MDFIC: variants seen among roughly 807,000 people sequenced by gnomAD.
MDFIC encodes the protein MyoD family inhibitor domain containing.
MDFIC carries 17 observed loss-of-function variants against 23.2 expected under a neutral mutation model. The observed-to-expected ratio is 0.73, with a 90% CI of 0.50 to 1.10. The LOEUF is 1.10. MDFIC is among the 50% of genes least tolerant of loss of function. The probability of loss-of-function intolerance (pLI) is 0.00; values close to 1 mark genes in which losing one functional copy is unlikely to be tolerated. For synonymous variants in MDFIC, 120 were observed against 115.2 expected (o/e 1.04, Z -0.27); for missense variants, 356 against 316.6 (o/e 1.12, Z -0.95).
chr7:114,970,029 A>G (rs1257065056), intron 3 of MDFIC, among the ~76,000 whole-genome samples: 1 of 152,216 alleles, frequency 6.6e-6, no homozygotes, highest in African/African-American at 2.4e-5. Context: ...GTGCTGGTCT[A>G]GGGAATGCAC....
intron 4 of MDFIC, among the ~76,000 whole-genome samples, chr7:114,999,820 A>G (rs1791424159): frequency 6.6e-6 from 1 of 152,106 alleles, no homozygotes; most frequent in Non-Finnish European, 1.5e-5. Flanking sequence ...TAATTTCACT[A>G]ATTTCTAAAC....
intron 3 of MDFIC, among the ~76,000 whole-genome samples, chr7:114,977,764 TTAAA>T (rs1245893837): frequency 6.6e-6 from 1 of 151,704 alleles, no homozygotes; most frequent in African/African-American, 2.4e-5. Context: ...TATTTACACT[TTAAA>T]TAAAAAGTTT....
intron 2 of MDFIC, among the ~76,000 whole-genome samples, chr7:114,937,962 A>T (rs1379617531): frequency 1.3e-5 from 2 of 152,082 alleles, no homozygotes; most frequent in East Asian, 3.9e-4. Flanking sequence ...GATTTCATAT[A>T]TATGTATTTT....
chr7:115,016,673 T>G lies in MDFIC; in HGVS notation c.*738T>G, dbSNP rs1316143815. The G allele has an allele frequency of 1.3e-5, 2 of 157,520 alleles. No individual in the cohort carries two copies. Among genetic ancestry groups the G allele is most frequent in the Non-Finnish European group, 2.7e-5 (2 of 73,308 alleles). 9.8% of individuals were successfully genotyped at this position (157,520 alleles called of 1,614,324 possible). On this transcript the variant is annotated 3_prime_UTR_variant, in exon 5 of 5. Transcript: ENST00000393486. ...ATAAATAAATAAATAAATAAATAAA[T>G]AAATAAATAAATAAACAAACCAGTC...
intron 2 of MDFIC, among the ~76,000 whole-genome samples, chr7:114,932,426 G>A (rs1723671188): frequency 1.3e-5 from 2 of 152,090 alleles, no homozygotes; most frequent in Non-Finnish European, 2.9e-5. Context: ...AGTTGAAGGT[G>A]ATTCTGTAAC....
Position 114,922,133 on chromosome 7 carries a change from C to T in MDFIC, c.-611C>T, listed in dbSNP as rs1015398798. ...CCCAGCCCCGGGAGGGCGCAGCGCC[C>T]GGGTGGGGAGCCCGAGCCAGCCCAG... On this transcript the variant is annotated 5_prime_UTR_variant, in exon 1 of 5. Coordinates refer to ENST00000393486, the MANE Select transcript of MDFIC (RefSeq NM_001166345.3). 3 of 330,582 alleles carry T rather than the reference C, an allele frequency of 9.1e-6. No homozygotes were observed. In the East Asian group the frequency reaches 1.3e-4, roughly 15 times the overall value. The allele number at this position is 330,582 out of a possible 1,614,324, so 20.5% of individuals were successfully genotyped here.
rs1159807883 is a variant in MDFIC at position 114,923,442 on chromosome 7, A to T, written c.94+315A>T. On this transcript the variant is annotated intron_variant, in intron 2 of 4. Coordinates refer to ENST00000393486, the MANE Select transcript of MDFIC (RefSeq NM_001166345.3). ...CCTAAGACTCAATGTGTAGGTTCTG[A>T]AGCGCTTCTCCTCTAGGTCTCTTCA... The T allele has an allele frequency of 2.6e-6, 4 of 1,537,458 alleles. No individual in the cohort carries two copies. In the Admixed American group the frequency reaches 7.8e-5, roughly 30 times the overall value.
At position 114,961,781 on chromosome 7, in the gene MDFIC, A is replaced by G. The variant is rs1321796577; in HGVS notation, c.218-17725A>G. Among the ~76,000 whole-genome samples the G allele has an allele frequency of 3.9e-5, 6 of 152,232 alleles. No homozygotes were observed. In the East Asian group the frequency reaches 1.2e-3, roughly 29 times the overall value. ...GAGAACTCACTATCATGAGAATAGC[A>G]AGGGGGAAATTTGCCCCCATGATCC... On this transcript the variant is annotated intron_variant, in intron 3 of 4. Transcript: ENST00000393486.
chr7:114,955,471 T>C (rs555355738), intron 3 of MDFIC, among the ~76,000 whole-genome samples: 19 of 152,304 alleles, frequency 1.2e-4, no homozygotes, highest in Non-Finnish European at 2.4e-4. Context: ...AAAGGACTCA[T>C]TAATTTCAAA....
intron 4 of MDFIC, among the ~76,000 whole-genome samples, chr7:114,987,785 T>C (rs2116005443): frequency 6.6e-6 from 1 of 152,310 alleles, no homozygotes; most frequent in Admixed American, 6.5e-5. Context: ...TTGAAATATT[T>C]AAATTAGCTG....
chr7:114,985,483 TG>T (rs1585113942), intron 4 of MDFIC, among the ~76,000 whole-genome samples: 1 of 148,578 alleles, frequency 6.7e-6, no homozygotes, highest in East Asian at 1.9e-4. Flanking sequence ...TCTCTCTCTC[TG>T]TGTGTGTGTG....
intron 4 of MDFIC, among the ~76,000 whole-genome samples, chr7:114,985,239 T>C (rs1793489860): frequency 6.6e-6 from 1 of 152,162 alleles, no homozygotes; most frequent in South Asian, 2.1e-4. Context: ...AGACTTGAAT[T>C]GGTACTGCTT....
chr7:114,997,180 T>G (rs563823453), intron 4 of MDFIC, among the ~76,000 whole-genome samples: 1 of 152,258 alleles, frequency 6.6e-6, no homozygotes, highest in East Asian at 1.9e-4. Context: ...AAATTGCAAA[T>G]CTGGATTACT....
intron 2 of MDFIC, among the ~76,000 whole-genome samples, chr7:114,925,307 A>G (rs772657256): frequency 6.6e-6 from 1 of 152,140 alleles, no homozygotes; most frequent in Non-Finnish European, 1.5e-5. Flanking sequence ...AGTTGAAAGT[A>G]ATTTTGGGGA....
In MDFIC at chr7:114,922,447, G is replaced by T; in HGVS notation, c.-297G>T. The T allele has an allele frequency of 4.0e-6, 5 of 1,243,956 alleles. No individual in the cohort carries two copies. The highest frequency in any genetic ancestry group is 4.0e-6 in the Non-Finnish European group (4 of 988,982). The allele number at this position is 1,243,956 out of a possible 1,614,324, so 77.1% of individuals were successfully genotyped here. On this transcript the variant is annotated 5_prime_UTR_variant, in exon 1 of 5. Coordinates refer to ENST00000393486, the MANE Select transcript of MDFIC (RefSeq NM_001166345.3). ...CGGAGTCAGAGCCGCCACCGCTGCC[G>T]CAGTTGCCGCCACTGCGGCGTCTGG...
chr7:115,015,988 T>C lies in MDFIC; in HGVS notation c.*53T>C. The C allele has an allele frequency of 6.5e-7, 1 of 1,544,462 alleles. No homozygotes were observed. Among genetic ancestry groups the C allele is most frequent in the East Asian group, 2.3e-5 (1 of 44,352 alleles). On this transcript the variant is annotated 3_prime_UTR_variant, in exon 5 of 5. Coordinates refer to ENST00000393486, the MANE Select transcript of MDFIC (RefSeq NM_001166345.3). ...TGGAGAGTGTTTAAAAATTTCCTTTTGGGGGGAAGAAAAGCACATTGTAAG... is the reference window on the plus strand; with the variant it reads ...TGGAGAGTGTTTAAAAATTTCCTTTCGGGGGGAAGAAAAGCACATTGTAAG...
chr7:114,964,279 C>T (rs1005061555), intron 3 of MDFIC, among the ~76,000 whole-genome samples: 3 of 152,138 alleles, frequency 2.0e-5, no homozygotes, highest in Admixed American at 2.0e-4. Context: ...AAGAGGCAGA[C>T]ACTTGCTACA....
chr7:114,948,607 CTTCCTCTTTTCTTTTT>C (rs1792697383), intron 3 of MDFIC, among the ~76,000 whole-genome samples: 3 of 152,046 alleles, frequency 2.0e-5, no homozygotes, highest in Admixed American at 2.0e-4. Flanking sequence ...TCCTCCTTTT[CTTCCTCTTTTCTTTTT>C]TTCCTCTTTT....
chr7:114,999,871 G>A (rs191893700), intron 4 of MDFIC, among the ~76,000 whole-genome samples: 1 of 152,086 alleles, frequency 6.6e-6, no homozygotes, highest in African/African-American at 2.4e-5. Flanking sequence ...ATACATATAG[G>A]CAATAAACTT....
Sources: gnomAD v4.1 joint callset for allele counts (sites outside exome capture counted in the v4.1 genomes callset) on GRCh38, gnomAD v4.1.1 for gene constraint, MANE v1.5 for transcripts, NCBI Gene and HGNC (gene_info 2026-07-23, HGNC 2026-07-21) for gene names.